Variants in GRIP2 observed in about 807,000 individuals in gnomAD.
GRIP2 encodes glutamate receptor-interacting protein 2.
GRIP2 carries 58 observed loss-of-function variants against 108.3 expected under a neutral mutation model. The observed-to-expected ratio is 0.54, with a 90% CI of 0.43 to 0.67. The LOEUF (loss-of-function observed/expected upper bound fraction) is 0.67. GRIP2 is among the 30% of genes least tolerant of loss of function. GRIP2 has a pLI of 0.00. For synonymous variants in GRIP2, 586 were observed against 598.2 expected, an observed-to-expected ratio of 0.98 and a Z score of 0.30; for missense variants, 1,278 against 1,430.6, an observed-to-expected ratio of 0.89 and a Z score of 1.72.
Position 14,496,487 on chromosome 3 carries a change from C to G in GRIP2, c.2753G>C (p.Gly918Ala), listed in dbSNP as rs757313253. 6.2e-7 allele frequency: 1 copy of G among 1,612,112 alleles called. No homozygotes were observed. Among genetic ancestry groups the G allele is most frequent in the Non-Finnish European group, 8.5e-7 (1 of 1,179,314 alleles). Residue 918 changes from glycine to alanine, a missense_variant, in exon 22 of 24, where the codon GGC (glycine) becomes GCC (alanine). Physicochemically the swap from Gly to Ala is moderately conservative, Grantham distance 60. Transcript: ENST00000621039. ...GRPGHRPWQR[G>A]REVRASPAEM... The stretch of plus-strand genomic sequence containing the variant: ...TGCAGGAGAGGCTCGTACCTCCCGG[C>G]CCCTCTGCCAAGGCCGGTGGCCAGG...
intron 22 of GRIP2, 81 bp from the exon 23 acceptor site, chr3:14,495,070 T>G (rs905157350): frequency 1.3e-6 from 2 of 1,548,116 alleles, no homozygotes; most frequent in Non-Finnish European, 1.8e-6. Context: ...TCCTTTGGTC[T>G]GGCATTCAGC....
chr3:14,601,604 G>A, the GRIP2 span, among the ~76,000 whole-genome samples: 3 of 152,200 alleles, frequency 2.0e-5, no homozygotes, highest in Non-Finnish European at 2.9e-5. Context: ...CACTGGCTAA[G>A]GCTTAATGGC....
At chr3:14,572,953 A>T in the GRIP2 span, 2 of 1,461,242 alleles carry the variant, frequency 1.4e-6, no homozygotes, top group African/African-American at 2.8e-5. Flanking sequence ...TAGAAGTAGA[A>T]GAGGACCACC....
chr3:14,560,991 A>C (rs1695306814), upstream of GRIP2, among the ~76,000 whole-genome samples: 6 of 152,194 alleles, frequency 3.9e-5, no homozygotes, highest in South Asian at 1.2e-3. Context: ...CCACAGCTGG[A>C]TATGAATTAC....
intron 10 of GRIP2, 51 bp from the exon 11 acceptor site, chr3:14,517,264 C>A: frequency 1.3e-6 from 2 of 1,483,552 alleles, no homozygotes; most frequent in Non-Finnish European, 1.8e-6. Context: ...GCTCTCCACC[C>A]CACCACACAG....
At chr3:14,499,926 G>A (rs9858762) in intron 21 of GRIP2, among the ~76,000 whole-genome samples, 8,958 of 152,164 alleles carry the variant, frequency 0.059, 350 homozygotes, top group African/African-American at 0.099. Flanking sequence ...TTTTAAGAAA[G>A]TTTATGAATT....
At position 14,511,485 on chromosome 3, in the gene GRIP2, G is replaced by A. The variant is rs754212708; in HGVS notation, c.1721-6C>T. ...CCCTCGTTTCCTGCTGGCCGCTGGA[G>A]AAAAAGAGGCCATGAATCTGACCTT... On this transcript the variant is annotated splice_region_variant and splice_polypyrimidine_tract_variant and intron_variant, in intron 14 of 23. Transcript: ENST00000621039. The surrounding 1 kb of genome is among the most constrained non-coding windows in gnomAD (Gnocchi z 4.1). The A allele has an allele frequency of 6.2e-7, 1 of 1,612,948 alleles. No individual in the cohort carries two copies. Among genetic ancestry groups the A allele is most frequent in the South Asian group, 1.1e-5 (1 of 91,028 alleles).
chr3:14,489,599 T>G lies in GRIP2; in HGVS notation c.*4066A>C, dbSNP rs576455853. 6.6e-6 allele frequency: 1 copy of G among 152,336 alleles called. No individual in the cohort carries two copies. The highest frequency in any genetic ancestry group is 1.9e-4 in the East Asian group (1 of 5,174). 9.4% of individuals were successfully genotyped at this position (152,336 alleles called of 1,614,324 possible). ...TCTTGGCTCTACTGGCTCTACTGAT[T>G]CTACCTGCTACATGCCCAGCCCTGT... On this transcript the variant is annotated 3_prime_UTR_variant, in exon 24 of 24. Coordinates refer to ENST00000621039, the MANE Select transcript of GRIP2 (RefSeq NM_001080423.4).
upstream of GRIP2, among the ~76,000 whole-genome samples, chr3:14,559,212 G>A (rs969081998): frequency 2.6e-5 from 4 of 152,146 alleles, no homozygotes; most frequent in Non-Finnish European, 5.9e-5. Flanking sequence ...AGTGAAACGG[G>A]ATCAAATGAA....
the GRIP2 span, chr3:14,573,921 G>A: frequency 5.3e-6 from 6 of 1,121,804 alleles, no homozygotes; most frequent in Middle Eastern, 4.0e-4. Context: ...GCAGCAGGCC[G>A]AGTGCTTCTC....
At chr3:14,552,631 T>G (rs1314864317) in intron 1 of GRIP2, among the ~76,000 whole-genome samples, 1 of 93,712 alleles carries the variant, frequency 1.1e-5, no homozygotes, top group African/African-American at 3.3e-5. Context: ...TCTCTCTCTC[T>G]CTCTTTTTTT....
At chr3:14,558,644 G>A (rs1440254401), upstream of GRIP2, among the ~76,000 whole-genome samples, 1 of 152,146 alleles carries the variant, frequency 6.6e-6, no homozygotes, top group East Asian at 1.9e-4. Context: ...CCCTGTAAGT[G>A]TCCCAGGCCT....
At chr3:14,495,034 C>T in intron 22 of GRIP2, 45 bp from the exon 23 acceptor site, 1 of 1,602,746 alleles carries the variant, frequency 6.2e-7, no homozygotes, top group Non-Finnish European at 8.5e-7. Flanking sequence ...CTGACCTTTG[C>T]CCCCAGCCTC....
intron 9 of GRIP2, among the ~76,000 whole-genome samples, chr3:14,519,608 C>T (rs1242769965): frequency 6.6e-6 from 1 of 152,150 alleles, no homozygotes; most frequent in Admixed American, 6.5e-5. Context: ...GCCCCTGGCC[C>T]CAACTGTGCC....
upstream of GRIP2, among the ~76,000 whole-genome samples, chr3:14,558,865 C>G (rs998477505): frequency 6.6e-6 from 1 of 152,208 alleles, no homozygotes; most frequent in Non-Finnish European, 1.5e-5. Context: ...ACTTCCCTTC[C>G]CTGGGGCCCC....
At chr3:14,581,682 A>G in the GRIP2 span, among the ~76,000 whole-genome samples, 1 of 152,242 alleles carries the variant, frequency 6.6e-6, no homozygotes, top group East Asian at 1.9e-4. Flanking sequence ...GAAAGAGAGA[A>G]GTGAATGATG....
At chr3:14,590,577 C>T in the GRIP2 span, among the ~76,000 whole-genome samples, 3 of 152,162 alleles carry the variant, frequency 2.0e-5, no homozygotes, top group Non-Finnish European at 4.4e-5. Context: ...GCAAATGCTC[C>T]TAACATAGCA....
chr3:14,543,764 T>C (rs766124039), upstream of GRIP2, among the ~76,000 whole-genome samples: 9 of 152,170 alleles, frequency 5.9e-5, no homozygotes, highest in Non-Finnish European at 7.4e-5. Flanking sequence ...CCAGGGGAGA[T>C]GGCAGGGCCA....
At chr3:14,534,102 T>C (rs1422706735) in intron 1 of GRIP2, among the ~76,000 whole-genome samples, 2 of 152,200 alleles carry the variant, frequency 1.3e-5, no homozygotes, top group Admixed American at 1.3e-4. Flanking sequence ...CCGGAAGGAA[T>C]GCTGCAGTGT....
Sources: gnomAD v4.1 joint callset for allele counts (sites outside exome capture counted in the v4.1 genomes callset) on GRCh38, gnomAD v4.1.1 for gene constraint, Gnocchi (gnomAD v3.1) non-coding constraint, MANE v1.5 for transcripts, NCBI Gene and HGNC (gene_info 2026-07-23, HGNC 2026-07-21) for gene names.